The following HCRTR1 variants were observed in gnomAD, a reference collection of about 807,000 sequenced individuals.
HCRTR1 encodes the protein orexin/Hypocretin receptor type 1.
HCRTR1 carries 28 observed loss-of-function variants against 40.6 expected under a neutral mutation model. That is an observed-to-expected ratio of 0.69 (90% confidence interval 0.51 to 0.95). HCRTR1 has a LOEUF of 0.95. Among genes scored for constraint, HCRTR1 ranks in the 40% least tolerant of loss-of-function variants. The probability of loss-of-function intolerance (pLI) is 0.00; values close to 1 mark genes in which losing one functional copy is unlikely to be tolerated. For synonymous variants in HCRTR1, 209 were observed against 230.0 expected, an observed-to-expected ratio of 0.91 and a Z score of 0.83; for missense variants, 482 against 564.7, an observed-to-expected ratio of 0.85 and a Z score of 1.48.
rs1570258344 is a variant in HCRTR1, at chr1:31,626,718, T to G, written c.1088-72T>G. On this transcript the variant is annotated intron_variant, in intron 8 of 8. Transcript: ENST00000403528. This position sits in a 1 kb window ranked among gnomAD's most constrained non-coding sequence, Gnocchi z 4.6. The stretch of plus-strand genomic sequence containing the variant: ...GGCAGCTTGGCTGGAGCTGCGTGGG[T>G]GTCCCTGGGCTCAAGGCCCCTTCCT... 2.8e-5 allele frequency: 33 copies of G among 1,178,988 alleles called. No homozygotes were observed. Among genetic ancestry groups the G allele is most frequent in the South Asian group, 2.0e-4 (13 of 63,518 alleles). 73.0% of individuals were successfully genotyped at this position (1,178,988 alleles called of 1,614,324 possible).
chr1:31,626,747 G>T lies in HCRTR1; in HGVS notation c.1088-43G>T, dbSNP rs1424880101. 6.4e-7 allele frequency: 1 copy of T among 1,573,048 alleles called. No homozygotes were observed. The highest frequency in any genetic ancestry group is 1.4e-5 in the African/African-American group (1 of 73,724). The stretch of plus-strand genomic sequence containing the variant: ...CCTGGGCTCAAGGCCCCTTCCTGCT[G>T]CATCTGTCTCCTTATGGCTGTGTCT... On this transcript the variant is annotated intron_variant, in intron 8 of 8. Coordinates refer to ENST00000403528, the MANE Select transcript of HCRTR1 (RefSeq NM_001525.3). This position sits in a 1 kb window ranked among gnomAD's most constrained non-coding sequence, Gnocchi z 4.6.
At chr1:31,623,071 G>A (rs1639891464) in intron 6 of HCRTR1, among the ~76,000 whole-genome samples, 1 of 152,146 alleles carries the variant, frequency 6.6e-6, no homozygotes, top group Non-Finnish European at 1.5e-5. Flanking sequence ...GCTCACACCT[G>A]TATTCCCAGC....
In HCRTR1 at chr1:31,627,427, G is replaced by T; in HGVS notation, c.*447G>T. The T allele has an allele frequency of 8.8e-7, 1 of 1,140,694 alleles. No homozygotes were observed. The highest frequency in any genetic ancestry group is 1.2e-6 in the Non-Finnish European group (1 of 851,718). The allele number at this position is 1,140,694 out of a possible 1,614,324, so 70.7% of individuals were successfully genotyped here. A position where few individuals can be genotyped will look rare whatever the true frequency, so the allele number is the denominator to read the frequency against. Reference sequence around the variant, plus strand: ...CTTGGCCAGCTGTTCTGATGCCTGTGTGAACTAATCTGGGCCCAGCCTTTC... The same window carrying T: ...CTTGGCCAGCTGTTCTGATGCCTGTTTGAACTAATCTGGGCCCAGCCTTTC... On this transcript the variant is annotated 3_prime_UTR_variant, in exon 9 of 9. Coordinates refer to ENST00000403528, the MANE Select transcript of HCRTR1 (RefSeq NM_001525.3).
downstream of HCRTR1, among the ~76,000 whole-genome samples, chr1:31,633,968 A>C (rs1004088531): frequency 6.6e-5 from 10 of 151,846 alleles, no homozygotes; most frequent in East Asian, 5.8e-4. Context: ...AAAAAAAAAA[A>C]CAAAAAAACC....
At chr1:31,620,077 G>A (rs994897003) in intron 4 of HCRTR1, among the ~76,000 whole-genome samples, 1 of 152,226 alleles carries the variant, frequency 6.6e-6, no homozygotes, top group African/African-American at 2.4e-5. Flanking sequence ...AGGGGCAGAC[G>A]TGAGGGGCCT....
At chr1:31,634,120 A>G (rs1640192867), downstream of HCRTR1, among the ~76,000 whole-genome samples, 1 of 152,214 alleles carries the variant, frequency 6.6e-6, no homozygotes, top group Admixed American at 6.5e-5. Context: ...AAAGCCCAGT[A>G]AGGACAGAGG....
At chr1:31,620,777 C>T (rs532269559) in intron 4 of HCRTR1, 66 bp from the exon 5 acceptor site, 73 of 1,569,840 alleles carry the variant, frequency 4.7e-5, no homozygotes, top group Non-Finnish European at 6.0e-5. Context: ...TCAGCCTCCT[C>T]ACTCACCTAC....
In HCRTR1 at chr1:31,626,689, CATAGG is replaced by C; in HGVS notation, c.1088-100_1088-96del. ...ATCCCTCCCTCCCTCCCCGCCCCCT[CATAGG>C]CAGCTTGGCTGGAGCTGCGTGGGTG... On this transcript the variant is annotated intron_variant, in intron 8 of 8. Coordinates refer to ENST00000403528, the MANE Select transcript of HCRTR1 (RefSeq NM_001525.3). This position sits in a 1 kb window ranked among gnomAD's most constrained non-coding sequence, Gnocchi z 4.6. 6 of 1,389,258 alleles carry C rather than the reference CATAGG, an allele frequency of 4.3e-6. No individual in the cohort carries two copies. Among genetic ancestry groups the C allele is most frequent in the Non-Finnish European group, 5.8e-6 (6 of 1,030,730 alleles). The allele number at this position is 1,389,258 out of a possible 1,614,324, so 86.1% of individuals were successfully genotyped here. A position where few individuals can be genotyped will look rare whatever the true frequency, so the allele number is the denominator to read the frequency against.
At chr1:31,633,296 A>G (rs761519578), downstream of HCRTR1, 1 of 1,612,846 alleles carries the variant, frequency 6.2e-7, no homozygotes, top group South Asian at 1.1e-5. Context: ...CTCAGGATCC[A>G]CATTGGGAGG....
chr1:31,622,993 C>T (rs749400958), intron 6 of HCRTR1, among the ~76,000 whole-genome samples: 3 of 152,088 alleles, frequency 2.0e-5, no homozygotes, highest in Non-Finnish European at 4.4e-5. Flanking sequence ...AATATCTTTC[C>T]ACAAGGCGTG....
intron 5 of HCRTR1, 125 bp downstream of exon 5, chr1:31,621,211 G>A (rs1446964923): frequency 2.3e-6 from 3 of 1,329,544 alleles, no homozygotes; most frequent in East Asian, 2.5e-5. Flanking sequence ...ATTTCCCTAG[G>A]GGACACCCTA....
intron 2 of HCRTR1, 88 bp downstream of exon 2, chr1:31,618,904 T>C (rs145967705): frequency 2.7e-5 from 12 of 442,612 alleles, no homozygotes; most frequent in South Asian, 7.8e-5. Flanking sequence ...TGGTGTGGAA[T>C]TGGGATGCAA....
downstream of HCRTR1, chr1:31,630,842 G>A: frequency 1.2e-6 from 2 of 1,605,048 alleles, no homozygotes; most frequent in Non-Finnish European, 8.5e-7. Flanking sequence ...TTGGGACAGA[G>A]CTGGAGAAGA....
chr1:31,625,192 CA>C lies in HCRTR1; in HGVS notation c.1087+75del. The C allele has an allele frequency of 6.9e-7, 1 of 1,450,782 alleles. No individual in the cohort carries two copies. The highest frequency in any genetic ancestry group is 9.2e-7 in the Non-Finnish European group (1 of 1,083,090). 89.9% of individuals were successfully genotyped at this position (1,450,782 alleles called of 1,614,324 possible). On this transcript the variant is annotated intron_variant, in intron 8 of 8. Coordinates refer to ENST00000403528, the MANE Select transcript of HCRTR1 (RefSeq NM_001525.3). The surrounding 1 kb of genome is among the most constrained non-coding windows in gnomAD (Gnocchi z 4.2). ...ATGACAAGTCTCCCCATCCCCAAGC[CA>C]GGGCCCAAATAAAGGATGGTGGGTG...
chr1:31,618,415 C>A (rs1217917195), intron 1 of HCRTR1, among the ~76,000 whole-genome samples: 2 of 152,160 alleles, frequency 1.3e-5, no homozygotes, highest in Non-Finnish European at 2.9e-5. Context: ...TCCCTCCGCG[C>A]ACCACCCCCA....
chr1:31,627,250 A>C lies in HCRTR1; in HGVS notation c.*270A>C, dbSNP rs1639999356. 1.4e-6 allele frequency: 2 copies of C among 1,459,700 alleles called. No homozygotes were observed. Among genetic ancestry groups the C allele is most frequent in the African/African-American group, 2.8e-5 (2 of 71,498 alleles). The allele number at this position is 1,459,700 out of a possible 1,614,324, so 90.4% of individuals were successfully genotyped here. Reference sequence around the variant, plus strand: ...CTTCTCTCATTTGGCCATACCCCACAGTATAATCTGTCCCCATCCTCCTTC... The same window carrying C: ...CTTCTCTCATTTGGCCATACCCCACCGTATAATCTGTCCCCATCCTCCTTC... On this transcript the variant is annotated 3_prime_UTR_variant, in exon 9 of 9. Transcript: ENST00000403528.
In HCRTR1 at chr1:31,623,750, G is replaced by T. The variant is rs1391674799; in HGVS notation, c.965+1G>T. ...TCAGCGTCCTCAATGTCCTTAAGAGGTGAGAGCACGGGGTATGGTTGGGGT... is the reference window on the plus strand; with the variant it reads ...TCAGCGTCCTCAATGTCCTTAAGAGTTGAGAGCACGGGGTATGGTTGGGGT... On this transcript the variant is annotated splice_donor_variant, in intron 7 of 8. Transcript: ENST00000403528. LOFTEE classifies it high-confidence loss of function. 2.5e-6 allele frequency: 4 copies of T among 1,611,674 alleles called. No individual in the cohort carries two copies.
chr1:31,632,489 C>T (rs1640135519), downstream of HCRTR1: 1 of 1,614,254 alleles, frequency 6.2e-7, no homozygotes, highest in Non-Finnish European at 8.5e-7. Context: ...CGGCCATGAC[C>T]CGCACCTTGC....
At position 31,625,434 on chromosome 1, in the gene HCRTR1, A is replaced by G. The variant is rs1639955733; in HGVS notation, c.1087+316A>G. On this transcript the variant is annotated intron_variant, in intron 8 of 8. Coordinates refer to ENST00000403528, the MANE Select transcript of HCRTR1 (RefSeq NM_001525.3). The surrounding 1 kb of genome is among the most constrained non-coding windows in gnomAD (Gnocchi z 4.2). Reference sequence around the variant, plus strand: ...GGGTGCAGGCACAGCAAGACCTCCAATCAGCTCAGGCAGAGGAGTCCATCC... The same window carrying G: ...GGGTGCAGGCACAGCAAGACCTCCAGTCAGCTCAGGCAGAGGAGTCCATCC... Among the ~76,000 whole-genome samples, 2 of 152,122 alleles carry G rather than the reference A, an allele frequency of 1.3e-5. No homozygotes were observed. The highest frequency in any genetic ancestry group is 2.9e-5 in the Non-Finnish European group (2 of 67,990).
Sources: allele counts gnomAD v4.1 joint callset (sites outside exome capture counted in the v4.1 genomes callset), GRCh38; gene constraint gnomAD v4.1.1; non-coding constraint Gnocchi (gnomAD v3.1); transcripts MANE v1.5; gene names NCBI Gene and HGNC (gene_info 2026-07-23, HGNC 2026-07-21).